Variants in CHRM2 observed in about 807,000 individuals in gnomAD.
The protein encoded by CHRM2 is muscarinic acetylcholine receptor M2.
A neutral mutation model predicts 25.0 loss-of-function variants in CHRM2; 8 were observed. That is an observed-to-expected ratio of 0.32 (90% confidence interval 0.19 to 0.58). The LOEUF is 0.58. CHRM2 is among the 20% of genes least tolerant of loss of function. The pLI is 0.88. For synonymous variants in CHRM2, 202 were observed against 205.7 expected (o/e 0.98, Z 0.15); for missense variants, 440 against 567.1 (o/e 0.78, Z 2.28).
At chr7:136,938,750 C>T (rs904990391) in intron 2 of CHRM2, among the ~76,000 whole-genome samples, 1 of 152,028 alleles carries the variant, frequency 6.6e-6, no homozygotes, top group Non-Finnish European at 1.5e-5. Context: ...GGGAGGGAGG[C>T]CGCCATGCAG....
At chr7:136,876,297 G>A (rs1420742728) in intron 2 of CHRM2, among the ~76,000 whole-genome samples, 1 of 152,128 alleles carries the variant, frequency 6.6e-6, no homozygotes, top group East Asian at 1.9e-4. Context: ...GGTGCTGGTA[G>A]TAGAGTAACA....
intron 2 of CHRM2, among the ~76,000 whole-genome samples, chr7:136,890,543 A>C (rs1319401203): frequency 1.3e-5 from 2 of 152,208 alleles, no homozygotes; most frequent in Non-Finnish European, 2.9e-5. Context: ...ATGAGCAGAC[A>C]CAGTCTATCA....
intron 2 of CHRM2, among the ~76,000 whole-genome samples, chr7:136,881,613 ATCC>A: frequency 6.6e-6 from 1 of 152,078 alleles, no homozygotes. Flanking sequence ...AACCCACCAT[ATCC>A]TCATTTCAGT....
Position 137,015,443 on chromosome 7 carries a change from C to A in CHRM2, c.578C>A (p.Ala193Glu). 1 of 1,613,368 alleles carries A rather than the reference C, an allele frequency of 6.2e-7. No individual in the cohort carries two copies. ...GCTGTCACCTTTGGTACGGCTATTG[C>A]AGCCTTCTATTTGCCAGTGATCATC... ...NAAVTFGTAI[A>E]AFYLPVIIMT... Residue 193 changes from alanine (A) to glutamate (E), a missense_variant, in exon 4 of 4, where the codon GCA (alanine) becomes GAA (glutamate). Around this residue, in one of 5 missense-constraint regions of CHRM2, gnomAD observed 261 missense variants for 261.8 expected, o/e 1.00. Transcript: ENST00000680005. The surrounding 1 kb of genome is among the most constrained non-coding windows in gnomAD (Gnocchi z 5.1).
chr7:136,924,248 C>T (rs1285932036), intron 2 of CHRM2, among the ~76,000 whole-genome samples: 1 of 151,450 alleles, frequency 6.6e-6, no homozygotes, highest in East Asian at 1.9e-4. Context: ...TTTTAGGGTA[C>T]ATGTGCACAA....
At chr7:136,914,271 T>A (rs1378899993) in intron 2 of CHRM2, 1 of 151,950 alleles carries the variant, frequency 6.6e-6, no homozygotes, top group African/African-American at 2.4e-5. Flanking sequence ...TGCAAATGGT[T>A]CATAAAACAG....
At position 136,924,356 on chromosome 7, in the gene CHRM2, TC is replaced by T. The variant is rs1190545784; in HGVS notation, c.-125+54944del. Among the ~76,000 whole-genome samples the T allele has an allele frequency of 1.0e-4, 10 of 98,348 alleles. No individual in the cohort carries two copies. The East Asian group carries it at 1.8e-3, about 18-fold the overall frequency. The allele number at this position is 98,348 out of a possible 152,430, so 64.5% of individuals were successfully genotyped here. On this transcript the variant is annotated intron_variant, in intron 2 of 3. Transcript: ENST00000680005. ...TAGGTATATCTCCAAATGCTATCCCTCCCCCCTCCCCCACCCCACAACAGGC... is the reference window on the plus strand; with the variant it reads ...TAGGTATATCTCCAAATGCTATCCCTCCCCCTCCCCCACCCCACAACAGGC...
intron 3 of CHRM2, among the ~76,000 whole-genome samples, chr7:137,014,584 G>A (rs1805047256): frequency 6.6e-6 from 1 of 151,888 alleles, no homozygotes; most frequent in Non-Finnish European, 1.5e-5. Flanking sequence ...TCTGGATAAG[G>A]ACATATTTAA....
chr7:136,906,865 A>G, intron 2 of CHRM2: 1 of 151,392 alleles, frequency 6.6e-6, no homozygotes, highest in Middle Eastern at 3.4e-3. Flanking sequence ...CCTTTTTTTT[A>G]ATATTACATT....
rs1805203688 is a variant in CHRM2, at chr7:137,016,585, A to C, written c.*319A>C. The C allele has an allele frequency of 3.0e-6, 1 of 335,742 alleles. No individual in the cohort carries two copies. Among genetic ancestry groups the C allele is most frequent in the Non-Finnish European group, 5.9e-6 (1 of 170,068 alleles). 20.8% of individuals were successfully genotyped at this position (335,742 alleles called of 1,614,324 possible). On this transcript the variant is annotated 3_prime_UTR_variant, in exon 4 of 4. Transcript: ENST00000680005. Reference sequence around the variant, plus strand: ...ATTCTACAATTTTATCAGTCTCTGCACAAGAGGAATAACCTTGTTCCTTTT... The same window carrying C: ...ATTCTACAATTTTATCAGTCTCTGCCCAAGAGGAATAACCTTGTTCCTTTT...
intron 2 of CHRM2, among the ~76,000 whole-genome samples, chr7:136,880,291 G>C (rs1022345406): frequency 6.6e-6 from 1 of 151,774 alleles, no homozygotes; most frequent in Non-Finnish European, 1.5e-5. Flanking sequence ...AATAATTGGT[G>C]GTGACTCTAA....
intron 2 of CHRM2, among the ~76,000 whole-genome samples, chr7:136,927,901 C>T (rs1277217893): frequency 6.6e-6 from 1 of 151,926 alleles, no homozygotes; most frequent in Non-Finnish European, 1.5e-5. Flanking sequence ...TGATATGGAC[C>T]CTGAAAACAG....
chr7:136,917,196 G>A (rs993535724), intron 2 of CHRM2, among the ~76,000 whole-genome samples: 1 of 145,614 alleles, frequency 6.9e-6, no homozygotes, highest in Non-Finnish European at 1.5e-5. Context: ...TTGTAGGCTT[G>A]TCCGCTTACT....
chr7:136,876,754 T>C (rs1796067238), intron 2 of CHRM2, among the ~76,000 whole-genome samples: 1 of 152,110 alleles, frequency 6.6e-6, no homozygotes, highest in Non-Finnish European at 1.5e-5. Flanking sequence ...AAACAGGACC[T>C]CTCTTTTCTG....
intron 2 of CHRM2, among the ~76,000 whole-genome samples, chr7:136,887,127 T>C (rs1011007112): frequency 1.3e-5 from 2 of 152,222 alleles, no homozygotes; most frequent in Non-Finnish European, 2.9e-5. Context: ...GCTCTTGCCA[T>C]AGGGGCAGTG....
At chr7:136,993,946 T>C (rs141733597) in intron 3 of CHRM2, among the ~76,000 whole-genome samples, 2 of 152,120 alleles carry the variant, frequency 1.3e-5, no homozygotes, top group East Asian at 1.9e-4. Flanking sequence ...CAATGATAAA[T>C]AAATAAGAAA....
chr7:136,942,470 A>G (rs143479282), intron 2 of CHRM2, among the ~76,000 whole-genome samples: 20 of 152,314 alleles, frequency 1.3e-4, no homozygotes, highest in African/African-American at 4.8e-4. Flanking sequence ...GCACCCCTGT[A>G]GGACTCAATT....
At chr7:136,924,550 T>C (rs368514910) in intron 2 of CHRM2, among the ~76,000 whole-genome samples, 1 of 152,228 alleles carries the variant, frequency 6.6e-6, no homozygotes, top group East Asian at 1.9e-4. Context: ...TCCTATTAAA[T>C]ACCACCCCGC....
At chr7:136,956,803 G>C (rs1800748764) in intron 2 of CHRM2, among the ~76,000 whole-genome samples, 2 of 147,050 alleles carry the variant, frequency 1.4e-5, no homozygotes, top group South Asian at 4.3e-4. Context: ...AGGGAACAGG[G>C]AGGGGGAATG....
Sources: allele counts gnomAD v4.1 joint callset (sites outside exome capture counted in the v4.1 genomes callset), GRCh38; gene constraint gnomAD v4.1.1; regional missense constraint gnomAD v4.1.1; non-coding constraint Gnocchi (gnomAD v3.1); transcripts MANE v1.5; gene names NCBI Gene and HGNC (gene_info 2026-07-23, HGNC 2026-07-21).